Variants in KCNU1 observed in about 807,000 individuals in gnomAD.
KCNU1 encodes potassium calcium-activated channel subfamily U member 1.
A neutral mutation model predicts 126.8 loss-of-function variants in KCNU1; 93 were observed. The observed-to-expected ratio is 0.73, with a 90% CI of 0.62 to 0.87. The LOEUF (loss-of-function observed/expected upper bound fraction) is 0.87. KCNU1 is among the 40% of genes least tolerant of loss of function. KCNU1 has a pLI of 0.00. For synonymous variants in KCNU1, 523 were observed against 494.2 expected (o/e 1.06, Z -0.77); for missense variants, 1,330 against 1,367.1 (o/e 0.97, Z 0.43).
chr8:36,914,728 G>A (rs898154624), intron 22 of KCNU1, among the ~76,000 whole-genome samples: 1 of 152,142 alleles, frequency 6.6e-6, no homozygotes, highest in Non-Finnish European at 1.5e-5. Flanking sequence ...CACATCACAA[G>A]GAGAACAGGT....
At chr8:36,889,047 T>G (rs964956720) in intron 19 of KCNU1, 1 of 497,112 alleles carries the variant, frequency 2.0e-6, no homozygotes, top group African/African-American at 2.0e-5. Context: ...CCCAGCTAAT[T>G]ATTGTATTTT....
chr8:36,935,685 C>A lies in KCNU1; in HGVS notation c.3215C>A (p.Thr1072Lys), dbSNP rs776464401. 3 of 1,613,338 alleles carry A rather than the reference C, an allele frequency of 1.9e-6. No individual in the cohort carries two copies. Among genetic ancestry groups the A allele is most frequent in the South Asian group, 1.1e-5 (1 of 91,056 alleles). The change falls in exon 27 of 27, where the codon ACA (threonine) becomes AAA (lysine). Residue 1072 changes from threonine to lysine, a missense_variant. Physicochemically the swap from Thr to Lys is moderately conservative, Grantham distance 78. This residue lies in a region of KCNU1 where 1,054 missense variants were observed against 1,053.9 expected (regional missense o/e 1.00). Transcript: ENST00000399881. ...CAGACAACAGAGACACATTCAGACA[C>A]AAATTGTCCTCCCACCATTGATTCA... is the stretch of plus-strand genomic sequence containing the variant. ...ASQTTETHSD[T>K]NCPPTIDSVT...
intron 19 of KCNU1, among the ~76,000 whole-genome samples, chr8:36,901,437 CAG>C (rs2117489362): frequency 6.6e-6 from 1 of 152,246 alleles, no homozygotes; most frequent in South Asian, 2.1e-4. Flanking sequence ...TCGCAGAAAA[CAG>C]AGCTGCCTTT....
intron 19 of KCNU1, among the ~76,000 whole-genome samples, chr8:36,885,791 TA>T (rs1057405882): frequency 1.3e-5 from 2 of 149,978 alleles, no homozygotes; most frequent in East Asian, 1.9e-4. Flanking sequence ...AGACTCTGTC[TA>T]AAAAAAAAGA....
intron 14 of KCNU1, among the ~76,000 whole-genome samples, chr8:36,837,374 A>G (rs1563286548): frequency 1.3e-5 from 2 of 152,226 alleles, no homozygotes; most frequent in African/African-American, 4.8e-5. Flanking sequence ...TCAAATAGAA[A>G]TGATACAAAT....
intron 23 of KCNU1, among the ~76,000 whole-genome samples, chr8:36,919,332 G>A (rs76150463): frequency 0.021 from 3,162 of 151,664 alleles, 116 homozygotes; most frequent in African/African-American, 0.073. Context: ...CAGACTTAGA[G>A]GAGGTGCTCA....
chr8:36,828,723 G>A (rs1197595445), intron 10 of KCNU1, among the ~76,000 whole-genome samples: 1 of 152,034 alleles, frequency 6.6e-6, no homozygotes. Context: ...TATGGCTCCT[G>A]GTGGACACAT....
chr8:36,784,941 A>G (rs1340309477), intron 1 of KCNU1, among the ~76,000 whole-genome samples: 1 of 152,246 alleles, frequency 6.6e-6, no homozygotes, highest in Non-Finnish European at 1.5e-5. Context: ...TAACAAGACA[A>G]TTGTGCTAGG....
intron 3 of KCNU1, among the ~76,000 whole-genome samples, 195 bp from the exon 4 acceptor site, chr8:36,805,000 T>C (rs951593141): frequency 1.3e-5 from 2 of 152,182 alleles, no homozygotes; most frequent in Non-Finnish European, 2.9e-5. Flanking sequence ...TCCAGTGCTA[T>C]TGGCAGTCCA....
At chr8:36,814,430 T>C in intron 8 of KCNU1, 53 bp downstream of exon 8, 2 of 1,287,712 alleles carry the variant, frequency 1.6e-6, no homozygotes, top group Non-Finnish European at 2.2e-6. Flanking sequence ...CCAGAAATAT[T>C]TGGTTAATGG....
chr8:36,903,986 A>G (rs1369230284), intron 19 of KCNU1, among the ~76,000 whole-genome samples: 4 of 152,068 alleles, frequency 2.6e-5, no homozygotes, highest in African/African-American at 9.7e-5. Flanking sequence ...CCCATGACAC[A>G]TGGGGATTAT....
intron 18 of KCNU1, among the ~76,000 whole-genome samples, chr8:36,856,877 A>T (rs1027344378): frequency 3.3e-5 from 5 of 152,210 alleles, no homozygotes; most frequent in Admixed American, 6.5e-5. Context: ...TCTTGTTCTC[A>T]TGGAGTTACT....
At chr8:36,881,819 C>T (rs1806492217) in intron 19 of KCNU1, among the ~76,000 whole-genome samples, 1 of 151,462 alleles carries the variant, frequency 6.6e-6, no homozygotes, top group African/African-American at 2.4e-5. Flanking sequence ...CACACACACA[C>T]ACACACACAC....
In KCNU1 at chr8:36,815,635, T is replaced by C. The variant is rs375499953; in HGVS notation, c.943T>C (p.Phe315Leu). The C allele has an allele frequency of 8.1e-6, 13 of 1,597,282 alleles. No homozygotes were observed. Among genetic ancestry groups the C allele is most frequent in the African/African-American group, 8.1e-5 (6 of 74,142 alleles). The change falls in exon 9 of 27, where the codon TTT becomes CTT. Residue 315 changes from phenylalanine (F) to leucine (L), a missense_variant. Coordinates refer to ENST00000399881, the MANE Select transcript of KCNU1 (RefSeq NM_001031836.3). ...CTATATACCTGAAATGGTGGAACTG[T>C]TTGCTAACAAGAGGAAATACACCAG... ...ANYIPEMVELFANKRKYTSSY... is the reference protein window; with the variant it reads ...ANYIPEMVELLANKRKYTSSY...
intron 2 of KCNU1, among the ~76,000 whole-genome samples, chr8:36,793,853 A>G (rs910769545): frequency 6.6e-6 from 1 of 152,014 alleles, no homozygotes; most frequent in South Asian, 2.1e-4. Context: ...CAGGAGTTTG[A>G]GACAAGCCTG....
At chr8:36,802,210 C>G (rs1338946220) in intron 2 of KCNU1, among the ~76,000 whole-genome samples, 1 of 151,896 alleles carries the variant, frequency 6.6e-6, no homozygotes, top group Non-Finnish European at 1.5e-5. Flanking sequence ...AAGCTCCTAG[C>G]CTCTTACCCA....
chr8:36,866,769 G>A (rs1340200142), intron 19 of KCNU1, among the ~76,000 whole-genome samples: 1 of 152,134 alleles, frequency 6.6e-6, no homozygotes, highest in Non-Finnish European at 1.5e-5. Flanking sequence ...AAATGAATCA[G>A]AGGCCAAAGA....
intron 19 of KCNU1, chr8:36,889,041 G>A: frequency 2.1e-6 from 1 of 482,680 alleles, no homozygotes; most frequent in Non-Finnish European, 4.2e-6. Context: ...ACCATGCCCA[G>A]CTAATTATTG....
At chr8:36,836,976 C>T in intron 14 of KCNU1, 31 bp downstream of exon 14, 1 of 1,610,468 alleles carries the variant, frequency 6.2e-7, no homozygotes, top group Non-Finnish European at 8.5e-7. Flanking sequence ...TGATTCTTGG[C>T]TCTGTTCCTA....
Sources: gnomAD v4.1 joint callset for allele counts (sites outside exome capture counted in the v4.1 genomes callset) on GRCh38, gnomAD v4.1.1 for gene constraint, gnomAD v4.1.1 regional missense constraint, MANE v1.5 for transcripts, NCBI Gene and HGNC (gene_info 2026-07-23, HGNC 2026-07-21) for gene names.